Variants in PTPRT observed in about 807,000 individuals in gnomAD.
PTPRT encodes the protein protein tyrosine phosphatase receptor type T, also known as receptor-type tyrosine-protein phosphatase T.
In PTPRT, 56 loss-of-function variants were observed where a neutral mutation model predicts 176.8. The ratio of observed to expected loss-of-function variants is 0.32; its 90% CI spans 0.26 to 0.40. The LOEUF (loss-of-function observed/expected upper bound fraction) is 0.40, where lower values mean the gene tolerates loss of function less well. PTPRT is among the 10% of genes least tolerant of loss of function. PTPRT has a pLI of 1.00. For missense variants in PTPRT, 1,540 were observed against 1,908.2 expected (o/e 0.81, Z 3.60); for synonymous variants, 783 against 739.0 (o/e 1.06, Z -0.96).
intron 9 of PTPRT, among the ~76,000 whole-genome samples, chr20:42,391,075 G>A (rs892882479): frequency 3.3e-5 from 5 of 152,166 alleles, no homozygotes; most frequent in African/African-American, 1.2e-4. Context: ...AATATGTAGT[G>A]GGGTGAGTTA....
In PTPRT at chr20:42,464,729, T is replaced by C. The variant is rs62203557; in HGVS notation, c.1450+7537A>G. 8.6e-3 allele frequency among the ~76,000 whole-genome samples: 1,313 copies of C among 152,298 alleles called. 11 individuals are homozygous for C. The highest frequency in any genetic ancestry group is 0.014 in the Middle Eastern group (4 of 294). On this transcript the variant is annotated intron_variant, in intron 8 of 30. Transcript: ENST00000373187. ...GAATAGCTTTCACTCTTACACTAAA[T>C]GACTCTGGACTGCTTTACTTATTGC...
chr20:42,601,009 C>A (rs1191703815), intron 7 of PTPRT, among the ~76,000 whole-genome samples: 1 of 152,124 alleles, frequency 6.6e-6, no homozygotes, highest in Non-Finnish European at 1.5e-5. Flanking sequence ...CTGCATTGAA[C>A]CTTTCTGTTT....
At chr20:42,805,500 C>A (rs1423170481) in intron 2 of PTPRT, among the ~76,000 whole-genome samples, 5 of 152,184 alleles carry the variant, frequency 3.3e-5, no homozygotes, top group Non-Finnish European at 7.3e-5. Context: ...ACACCAGGCA[C>A]TGTTGTAGGC....
intron 7 of PTPRT, among the ~76,000 whole-genome samples, chr20:42,505,362 C>T (rs1250899817): frequency 2.0e-5 from 3 of 152,038 alleles, no homozygotes; most frequent in African/African-American, 4.8e-5. Context: ...AGTGCAGCGG[C>T]GTGATGTCAG....
intron 2 of PTPRT, among the ~76,000 whole-genome samples, chr20:42,824,373 A>G (rs1403927776): frequency 2.0e-5 from 3 of 152,102 alleles, no homozygotes; most frequent in African/African-American, 7.2e-5. Context: ...AGAATTAAAT[A>G]CCTAGTAAAG....
At chr20:42,881,748 A>AAAAAAAAAG (rs2079015135) in intron 2 of PTPRT, among the ~76,000 whole-genome samples, 1 of 148,328 alleles carries the variant, frequency 6.7e-6, no homozygotes, top group African/African-American at 2.5e-5. Flanking sequence ...AAAAAAAAAA[A>AAAAAAAAAG]AGAGAGAGAG....
chr20:42,493,227 C>A (rs1568926968), intron 7 of PTPRT, among the ~76,000 whole-genome samples: 1 of 152,180 alleles, frequency 6.6e-6, no homozygotes, highest in East Asian at 1.9e-4. Flanking sequence ...GCAAATTAAC[C>A]ATGGCATGCA....
chr20:42,932,559 G>A (rs1979928823), intron 1 of PTPRT, among the ~76,000 whole-genome samples: 1 of 152,204 alleles, frequency 6.6e-6, no homozygotes. Context: ...TAGGTAGCAT[G>A]TCATGTTGTG....
intron 9 of PTPRT, among the ~76,000 whole-genome samples, chr20:42,414,809 T>C (rs1213382914): frequency 2.0e-5 from 3 of 152,222 alleles, no homozygotes; most frequent in Non-Finnish European, 4.4e-5. Flanking sequence ...CAATTCTTCC[T>C]AAATTAATCT....
intron 6 of PTPRT, among the ~76,000 whole-genome samples, chr20:42,697,543 C>T (rs1234794697): frequency 6.6e-6 from 1 of 152,184 alleles, no homozygotes; most frequent in Non-Finnish European, 1.5e-5. Context: ...GAACTCAATA[C>T]AAAACAGACA....
intron 19 of PTPRT, among the ~76,000 whole-genome samples, chr20:42,122,228 A>G (rs1301441437): frequency 6.6e-6 from 1 of 152,340 alleles, no homozygotes; most frequent in Non-Finnish European, 1.5e-5. Flanking sequence ...ACCAGATTAA[A>G]TGAGTTGATA....
chr20:42,545,947 T>C (rs1279834214), intron 7 of PTPRT, among the ~76,000 whole-genome samples: 2 of 152,166 alleles, frequency 1.3e-5, no homozygotes, highest in Admixed American at 1.3e-4. Flanking sequence ...TGTATATGTG[T>C]TTTTTTCTAT....
intron 7 of PTPRT, among the ~76,000 whole-genome samples, chr20:42,489,403 C>T (rs908076336): frequency 4.6e-5 from 7 of 152,002 alleles, no homozygotes; most frequent in Non-Finnish European, 1.0e-4. Flanking sequence ...CCCCTGTTGA[C>T]CTATGTGATC....
intron 12 of PTPRT, among the ~76,000 whole-genome samples, chr20:42,314,453 T>C (rs1410970405): frequency 1.4e-5 from 2 of 145,196 alleles, no homozygotes; most frequent in East Asian, 4.0e-4. Context: ...AGCGTGAACC[T>C]GGGAGGTGGA....
chr20:42,932,028 T>C (rs1005977646), intron 1 of PTPRT, among the ~76,000 whole-genome samples: 9 of 152,238 alleles, frequency 5.9e-5, no homozygotes, highest in African/African-American at 1.9e-4. Context: ...GTCCCATGAA[T>C]GCCACACACG....
intron 2 of PTPRT, among the ~76,000 whole-genome samples, chr20:42,795,644 G>A (rs2077443966): frequency 6.6e-6 from 1 of 152,230 alleles, no homozygotes; most frequent in Non-Finnish European, 1.5e-5. Flanking sequence ...CTACTTGAAG[G>A]GAATGGATGC....
At chr20:42,049,072 A>C in the PTPRT span, among the ~76,000 whole-genome samples, 1 of 152,208 alleles carries the variant, frequency 6.6e-6, no homozygotes, top group African/African-American at 2.4e-5. Flanking sequence ...CGCCTTCATC[A>C]GCCTCCCAAA....
chr20:42,397,324 CAG>C (rs1226994441), intron 9 of PTPRT, among the ~76,000 whole-genome samples: 1 of 152,172 alleles, frequency 6.6e-6, no homozygotes, highest in African/African-American at 2.4e-5. Flanking sequence ...ATTTTGGAAT[CAG>C]GGGTACATGT....
At chr20:43,045,637 T>A (rs1292510380) in intron 1 of PTPRT, among the ~76,000 whole-genome samples, 1 of 150,522 alleles carries the variant, frequency 6.6e-6, no homozygotes, top group Non-Finnish European at 1.5e-5. Flanking sequence ...CTATTTTTTT[T>A]TTTTTTGTAA....
Sources: allele counts gnomAD v4.1 joint callset (sites outside exome capture counted in the v4.1 genomes callset), GRCh38; gene constraint gnomAD v4.1.1; transcripts MANE v1.5; gene names NCBI Gene and HGNC (gene_info 2026-07-23, HGNC 2026-07-21).